The following DNASE1L3 variants were observed in gnomAD, a reference collection of about 807,000 sequenced individuals.
DNASE1L3 encodes deoxyribonuclease gamma.
A neutral mutation model predicts 30.9 loss-of-function variants in DNASE1L3; 27 were observed. That is an observed-to-expected ratio of 0.87 (90% CI 0.64 to 1.20). The LOEUF (loss-of-function observed/expected upper bound fraction) is 1.20. Among genes scored for constraint, DNASE1L3 ranks in the 50% most tolerant of loss-of-function variants. DNASE1L3 has a pLI of 0.00. For synonymous variants in DNASE1L3, 135 were observed against 138.0 expected, an observed-to-expected ratio of 0.98 and a Z score of 0.15; for missense variants, 364 against 378.2, an observed-to-expected ratio of 0.96 and a Z score of 0.31.
intron 2 of DNASE1L3, among the ~76,000 whole-genome samples, chr3:58,207,349 G>A (rs1409361510): frequency 1.3e-5 from 2 of 151,924 alleles, no homozygotes; most frequent in Non-Finnish European, 2.9e-5. Flanking sequence ...ACCAGCCTGG[G>A]CAACAGAGTC....
At chr3:58,195,613 CAAAAAAAAA>C (rs34773952) in intron 6 of DNASE1L3, among the ~76,000 whole-genome samples, 11 of 38,448 alleles carry the variant, frequency 2.9e-4, no homozygotes, top group Admixed American at 1.3e-3. Flanking sequence ...ACTAAAATTA[CAAAAAAAAA>C]AAAAAAAAAA....
intron 1 of DNASE1L3, among the ~76,000 whole-genome samples, chr3:58,210,471 A>C: frequency 6.6e-6 from 1 of 152,196 alleles, no homozygotes; most frequent in East Asian, 1.9e-4. Flanking sequence ...ATAGCAATAA[A>C]AATCATAATG....
intron 4 of DNASE1L3, among the ~76,000 whole-genome samples, chr3:58,201,694 G>A (rs2097400652): frequency 6.6e-6 from 1 of 152,162 alleles, no homozygotes; most frequent in Non-Finnish European, 1.5e-5. Context: ...ATTTAAGAAA[G>A]GTTTAAATTA....
At chr3:58,195,938 A>T (rs933564307) in intron 6 of DNASE1L3, among the ~76,000 whole-genome samples, 3 of 152,190 alleles carry the variant, frequency 2.0e-5, no homozygotes, top group African/African-American at 7.2e-5. Context: ...TCCTTTTAGT[A>T]AACATCTTTT....
Position 58,197,720 on chromosome 3 carries a change from T to C in DNASE1L3, c.704+101A>G, listed in dbSNP as rs1017051613. The C allele has an allele frequency of 3.9e-6, 6 of 1,546,092 alleles. No individual in the cohort carries two copies. Among genetic ancestry groups the C allele is most frequent in the Non-Finnish European group, 5.3e-6 (6 of 1,128,322 alleles). On this transcript the variant is annotated intron_variant, in intron 6 of 7. Coordinates refer to ENST00000394549, the MANE Select transcript of DNASE1L3 (RefSeq NM_004944.4). The surrounding 1 kb of genome is among the most constrained non-coding windows in gnomAD (Gnocchi z 5.3). ...CATCCATCGAGGCCTCCCAAAGTGC[T>C]AGGACTACTGGCGTGAGCCACAGTG...
chr3:58,205,861 G>T (rs1229914559), intron 2 of DNASE1L3, among the ~76,000 whole-genome samples: 1 of 152,114 alleles, frequency 6.6e-6, no homozygotes, highest in Non-Finnish European at 1.5e-5. Flanking sequence ...CCCAAAACCC[G>T]CATGCTTTGG....
At chr3:58,199,433 G>A (rs2097399250) in intron 5 of DNASE1L3, among the ~76,000 whole-genome samples, 1 of 152,180 alleles carries the variant, frequency 6.6e-6, no homozygotes, top group Non-Finnish European at 1.5e-5. Flanking sequence ...ACTTTGGGAA[G>A]CCGAGGCGGG....
intron 7 of DNASE1L3, chr3:58,193,075 C>CTTTT: frequency 5.6e-5 from 71 of 1,272,776 alleles, no homozygotes; most frequent in Middle Eastern, 2.9e-4. Context: ...ATCAACCCAT[C>CTTTT]TTTTTTTTTT....
intron 2 of DNASE1L3, among the ~76,000 whole-genome samples, chr3:58,206,996 T>TCC (rs2097404403): frequency 6.6e-6 from 1 of 152,122 alleles, no homozygotes; most frequent in African/African-American, 2.4e-5. Flanking sequence ...TGGGGGATGA[T>TCC]GGCACCAGGA....
rs1326080052 is a variant in DNASE1L3, at chr3:58,193,433, C to T, written c.711G>A (p.Val237=). Reference sequence around the variant, plus strand: ...AACTGACGATTTCTTGTCCTCTAAGCACAATCCTGGAACAAGGGGAGGGAA... The same window carrying T: ...AACTGACGATTTCTTGTCCTCTAAGTACAATCCTGGAACAAGGGGAGGGAA... ...KSTNCAYDRI[V]LRGQEIVSSV... is the part of the protein sequence containing the mutation. The change falls in exon 7 of 8, where the codon GTG becomes GTA. Residue 237 remains valine (V), a synonymous_variant. Coordinates refer to ENST00000394549, the MANE Select transcript of DNASE1L3 (RefSeq NM_004944.4). The T allele has an allele frequency of 5.0e-6, 8 of 1,611,878 alleles. No homozygotes were observed. The East Asian group carries it at 1.3e-4, about 27-fold the overall frequency.
chr3:58,198,504 T>C (rs1260239447), intron 5 of DNASE1L3, among the ~76,000 whole-genome samples: 1 of 152,240 alleles, frequency 6.6e-6, no homozygotes, highest in East Asian at 1.9e-4. Context: ...ATATAAGGTC[T>C]TTAAAAATTT....
Position 58,201,074 on chromosome 3 carries a change from T to A in DNASE1L3, c.469A>T (p.Thr157Ser). 6.2e-7 allele frequency: 1 copy of A among 1,611,972 alleles called. No individual in the cohort carries two copies. Among genetic ancestry groups the A allele is most frequent in the Non-Finnish European group, 8.5e-7 (1 of 1,178,784 alleles). ...ATCTCCTTAACGGATGTCTCTGGGG[T>A]GGTGTGCAGGGGGATAATCACGAAG... ...KDFVIIPLHTTPETSVKEIDE... is the reference protein window; with the variant it reads ...KDFVIIPLHTSPETSVKEIDE... Residue 157 changes from threonine to serine, a missense_variant, in exon 5 of 8, where the codon ACC (threonine) becomes TCC (serine). Thr to Ser is a moderately conservative substitution (Grantham distance 58). Transcript: ENST00000394549.
At chr3:58,203,036 G>A (rs916673104) in intron 4 of DNASE1L3, among the ~76,000 whole-genome samples, 2 of 152,170 alleles carry the variant, frequency 1.3e-5, no homozygotes, top group South Asian at 4.1e-4. Context: ...CTCAGAAGCC[G>A]TTCCTGGCCC....
chr3:58,201,985 A>G (rs2097400949), intron 4 of DNASE1L3, among the ~76,000 whole-genome samples: 1 of 152,202 alleles, frequency 6.6e-6, no homozygotes, highest in Non-Finnish European at 1.5e-5. Flanking sequence ...ACTGTGTTCC[A>G]TGCTGGCATT....
intron 1 of DNASE1L3, among the ~76,000 whole-genome samples, chr3:58,210,188 A>G (rs746093421): frequency 1.3e-5 from 2 of 151,840 alleles, no homozygotes; most frequent in Non-Finnish European, 2.9e-5. Flanking sequence ...AGAAAGGAAG[A>G]AGAAAGAAAA....
Position 58,210,901 on chromosome 3 carries a change from T to C in DNASE1L3, c.6A>G (p.Ser2=). 6.2e-7 allele frequency: 1 copy of C among 1,613,784 alleles called. No individual in the cohort carries two copies. Among genetic ancestry groups the C allele is most frequent in the South Asian group, 1.1e-5 (1 of 91,068 alleles). Residue 2 remains serine (S), a synonymous_variant, in exon 1 of 8, where the codon TCA becomes TCG. Transcript: ENST00000394549. M[S]RELAPLLLLL... is the part of the protein sequence containing the mutation. ...GAAGCAGCAGTGGGGCCAGCTCCCG[T>C]GACATCCTGGCGCTGCTCTGGCTTC...
chr3:58,193,099 C>G, intron 7 of DNASE1L3: 1 of 1,312,630 alleles, frequency 7.6e-7, no homozygotes, highest in Non-Finnish European at 9.7e-7. Context: ...TTTTTTGAGA[C>G]AGGATCTCAC....
At position 58,195,613 on chromosome 3, in the gene DNASE1L3, C is replaced by CAAAAAAAAAAA. The variant is rs34773952; in HGVS notation, c.705-2185_705-2175dup. On this transcript the variant is annotated intron_variant, in intron 6 of 7. Transcript: ENST00000394549. ...CGAAACCCCATCTCTACTAAAATTACAAAAAAAAAAAAAAAAAAAAAAAAA... is the reference window on the plus strand; with the variant it reads ...CGAAACCCCATCTCTACTAAAATTACAAAAAAAAAAAAAAAAAAAAAAAAAAAAAAAAAAAA... Among the ~76,000 whole-genome samples the CAAAAAAAAAAA allele has an allele frequency of 1.8e-4, 7 of 38,442 alleles. 1 individual carries two copies. Among genetic ancestry groups the CAAAAAAAAAAA allele is most frequent in the Non-Finnish European group, 2.6e-4 (5 of 19,512 alleles). The allele number at this position is 38,442 out of a possible 152,430, so 25.2% of individuals were successfully genotyped here.
In DNASE1L3 at chr3:58,200,952, C is replaced by T. The variant is rs1177931595; in HGVS notation, c.546+45G>A. On this transcript the variant is annotated intron_variant, in intron 5 of 7. Transcript: ENST00000394549. This position sits in a 1 kb window ranked among gnomAD's most constrained non-coding sequence, Gnocchi z 4.2. ...TACTCATCCCACTCAGGGACCAGAGCCTGCCCCTGCTAGATGGGAATTCGT... is the reference window on the plus strand; with the variant it reads ...TACTCATCCCACTCAGGGACCAGAGTCTGCCCCTGCTAGATGGGAATTCGT... The T allele has an allele frequency of 2.0e-5, 31 of 1,544,240 alleles. No individual in the cohort carries two copies. Among genetic ancestry groups the T allele is most frequent in the Non-Finnish European group, 2.7e-5 (30 of 1,123,800 alleles).
Sources: gnomAD v4.1 joint callset for allele counts (sites outside exome capture counted in the v4.1 genomes callset) on GRCh38, gnomAD v4.1.1 for gene constraint, Gnocchi (gnomAD v3.1) non-coding constraint, MANE v1.5 for transcripts, NCBI Gene and HGNC (gene_info 2026-07-23, HGNC 2026-07-21) for gene names.